The following MEIS1 variants were observed in gnomAD, a reference collection of about 807,000 sequenced individuals.
MEIS1 encodes the protein homeobox protein Meis1.
A neutral mutation model predicts 50.8 loss-of-function variants in MEIS1; 5 were observed. The ratio of observed to expected loss-of-function variants is 0.10; its 90% confidence interval spans 0.05 to 0.21. MEIS1 has a LOEUF of 0.21. Ranked by LOEUF, MEIS1 falls within the 10% of genes least tolerant of loss-of-function variation. MEIS1 has a pLI of 1.00. For missense variants in MEIS1, 318 were observed against 517.3 expected (o/e 0.61, Z 3.74); for synonymous variants, 176 against 179.3 (o/e 0.98, Z 0.15).
At chr2:66,508,541 A>G (rs1293056784) in intron 7 of MEIS1, among the ~76,000 whole-genome samples, 3 of 152,202 alleles carry the variant, frequency 2.0e-5, no homozygotes, top group Admixed American at 2.0e-4. Flanking sequence ...AGAATGTTGC[A>G]TATGTGCGGC....
chr2:66,464,128 A>G lies in MEIS1; in HGVS notation c.650A>G (p.His217Arg). ...CCACAGCCCTCTTGGAACAGAGATCATGATGACACGGCATCTACTCGTTCA... is the reference window on the plus strand; with the variant it reads ...CCACAGCCCTCTTGGAACAGAGATCGTGATGACACGGCATCTACTCGTTCA... ...LTDQPSWNRD[H>R]DDTASTRSGG... Residue 217 changes from histidine (H) to arginine (R), a missense_variant, in exon 7 of 13, where the codon CAT becomes CGT. By Grantham distance (29) the His-to-Arg change is conservative (BLOSUM62 0). This residue lies in a region of MEIS1 where 48 missense variants were observed against 50.9 expected (regional missense o/e 0.94). Coordinates refer to ENST00000272369, the MANE Select transcript of MEIS1 (RefSeq NM_002398.3). 1.9e-6 allele frequency: 3 copies of G among 1,601,692 alleles called. No homozygotes were observed. Among genetic ancestry groups the G allele is most frequent in the South Asian group, 1.1e-5 (1 of 88,090 alleles).
intron 6 of MEIS1, among the ~76,000 whole-genome samples, chr2:66,461,566 C>T (rs1672518582): frequency 6.6e-6 from 1 of 152,142 alleles, no homozygotes; most frequent in Admixed American, 6.5e-5. Flanking sequence ...ATTCATAGGC[C>T]TTCTGGAGGA....
At chr2:66,448,951 G>A (rs1272391575) in intron 6 of MEIS1, among the ~76,000 whole-genome samples, 1 of 152,012 alleles carries the variant, frequency 6.6e-6, no homozygotes, top group Middle Eastern at 3.4e-3. Context: ...CATTTTACAT[G>A]GCCTTTTGTG....
chr2:66,522,291 G>A (rs986705767), intron 8 of MEIS1, among the ~76,000 whole-genome samples: 31 of 152,194 alleles, frequency 2.0e-4, no homozygotes, highest in African/African-American at 7.5e-4. Context: ...GAATGGAGGG[G>A]CTTGAGAATA....
At chr2:66,445,884 G>A (rs972349532) in intron 6 of MEIS1, among the ~76,000 whole-genome samples, 1 of 152,036 alleles carries the variant, frequency 6.6e-6, no homozygotes, top group African/African-American at 2.4e-5. Context: ...GACACCAGTA[G>A]AAGCTGTAAT....
At position 66,548,023 on chromosome 2, in the gene MEIS1, A is replaced by G. The variant is rs1188547907; in HGVS notation, c.965+4A>G. 1.9e-6 allele frequency: 3 copies of G among 1,612,434 alleles called. No individual in the cohort carries two copies. The highest frequency in any genetic ancestry group is 2.7e-5 in the African/African-American group (2 of 74,978). On this transcript the variant is annotated splice_donor_region_variant and intron_variant, in intron 9 of 12. Transcript: ENST00000272369. ...CCATCCTTCAAGTGAACAATTGGTA[A>G]GTAATTTGGCTTTGTGTTTACACAC...
At chr2:66,564,268 A>C (rs1675285042) in intron 9 of MEIS1, among the ~76,000 whole-genome samples, 1 of 152,180 alleles carries the variant, frequency 6.6e-6, no homozygotes, top group Non-Finnish European at 1.5e-5. Flanking sequence ...TTCTAGGGGT[A>C]GCTGACATCT....
At chr2:66,506,779 G>A (rs1673693894) in intron 7 of MEIS1, among the ~76,000 whole-genome samples, 1 of 152,142 alleles carries the variant, frequency 6.6e-6, no homozygotes, top group Non-Finnish European at 1.5e-5. Flanking sequence ...ACATACCATA[G>A]AAACATTATC....
At chr2:66,461,564 G>A (rs1672518425) in intron 6 of MEIS1, among the ~76,000 whole-genome samples, 1 of 152,292 alleles carries the variant, frequency 6.6e-6, no homozygotes, top group East Asian at 1.9e-4. Context: ...GTATTCATAG[G>A]CCTTCTGGAG....
At chr2:66,515,199 A>G (rs541995214) in intron 8 of MEIS1, among the ~76,000 whole-genome samples, 6 of 152,218 alleles carry the variant, frequency 3.9e-5, no homozygotes, top group Non-Finnish European at 7.4e-5. Flanking sequence ...ATACCAATTT[A>G]TTAGTAAACT....
At position 66,436,872 on chromosome 2, in the gene MEIS1, GT is replaced by G. The variant is rs5831809; in HGVS notation, c.13-849del. 3.8e-3 allele frequency: 3,399 copies of G among 888,058 alleles called. 2 individuals carry two copies. Among genetic ancestry groups the G allele is most frequent in the East Asian group, 0.011 (91 of 8,194 alleles). The allele number at this position is 888,058 out of a possible 1,614,324, so 55.0% of individuals were successfully genotyped here. ...AATAATGACAATCAATATGAAAGTA[GT>G]TTTTTTTTTTTTTTTCTGGAAGAGG... On this transcript the variant is annotated intron_variant, in intron 1 of 12. Transcript: ENST00000272369.
intron 6 of MEIS1, among the ~76,000 whole-genome samples, chr2:66,456,934 C>G (rs2103727130): frequency 6.6e-6 from 1 of 152,298 alleles, no homozygotes; most frequent in Non-Finnish European, 1.5e-5. Flanking sequence ...CTAAAGTATG[C>G]TATTTCACGT....
chr2:66,477,742 A>G (rs919343223), intron 7 of MEIS1, among the ~76,000 whole-genome samples: 1 of 152,160 alleles, frequency 6.6e-6, no homozygotes, highest in Non-Finnish European at 1.5e-5. Flanking sequence ...TATTTGCAGA[A>G]TAGATGTTTT....
At chr2:66,466,395 T>G (rs1019771312) in intron 7 of MEIS1, among the ~76,000 whole-genome samples, 1 of 152,234 alleles carries the variant, frequency 6.6e-6, no homozygotes, top group African/African-American at 2.4e-5. Context: ...TTCAGTCTTA[T>G]TTGTCCTTCC....
At chr2:66,531,806 G>A (rs1424077498) in intron 8 of MEIS1, among the ~76,000 whole-genome samples, 3 of 152,246 alleles carry the variant, frequency 2.0e-5, no homozygotes, top group Non-Finnish European at 2.9e-5. Context: ...CCAAGGATGC[G>A]GCGGCCATTA....
intron 7 of MEIS1, among the ~76,000 whole-genome samples, chr2:66,505,378 T>G (rs1183959193): frequency 6.6e-6 from 1 of 151,948 alleles, no homozygotes; most frequent in Non-Finnish European, 1.5e-5. Flanking sequence ...TACAGTACAG[T>G]ATGGGTAACA....
rs1671895694 is a variant in MEIS1 at position 66,439,527 on chromosome 2, C to G, written c.240-316C>G. On this transcript the variant is annotated intron_variant, in intron 2 of 12. Coordinates refer to ENST00000272369, the MANE Select transcript of MEIS1 (RefSeq NM_002398.3). ...GGACGAGGGCTTGTCGGGTGGGAAA[C>G]TTAATTCAAAATGGCTGCTGGAAAC... 3.4e-6 allele frequency: 5 copies of G among 1,492,304 alleles called. No homozygotes were observed. The Admixed American group carries it at 1.1e-4, about 32-fold the overall frequency. The allele number at this position is 1,492,304 out of a possible 1,614,324, so 92.4% of individuals were successfully genotyped here.
At chr2:66,522,193 T>C (rs1371136632) in intron 8 of MEIS1, among the ~76,000 whole-genome samples, 1 of 152,202 alleles carries the variant, frequency 6.6e-6, no homozygotes, top group East Asian at 1.9e-4. Context: ...ATTTGTACCA[T>C]CAAAGGGCTT....
intron 8 of MEIS1, among the ~76,000 whole-genome samples, chr2:66,523,191 A>G (rs566534764): frequency 6.6e-6 from 1 of 152,338 alleles, no homozygotes; most frequent in Admixed American, 6.5e-5. Flanking sequence ...TTATGTACTG[A>G]TGGATTTCTC....
Sources: gnomAD v4.1 joint callset for allele counts (sites outside exome capture counted in the v4.1 genomes callset) on GRCh38, gnomAD v4.1.1 for gene constraint, gnomAD v4.1.1 regional missense constraint, MANE v1.5 for transcripts, NCBI Gene and HGNC (gene_info 2026-07-23, HGNC 2026-07-21) for gene names.